Variants in DAB1 observed in about 807,000 individuals in gnomAD.
DAB1 encodes the protein disabled homolog 1.
Under a neutral mutation model 64.6 loss-of-function variants are expected in DAB1, and 15 were observed. The ratio of observed to expected loss-of-function variants is 0.23; its 90% CI spans 0.16 to 0.36. The LOEUF is 0.36. DAB1 is among the 10% of genes least tolerant of loss of function. The probability of loss-of-function intolerance (pLI) is 1.00; values close to 1 mark genes in which losing one functional copy is unlikely to be tolerated. For synonymous variants in DAB1, 235 were observed against 251.9 expected (o/e 0.93, Z 0.64); for missense variants, 596 against 706.7 (o/e 0.84, Z 1.78).
chr1:58,198,328 T>C (rs1657803955), intron 4 of DAB1, among the ~76,000 whole-genome samples: 1 of 152,260 alleles, frequency 6.6e-6, no homozygotes, highest in African/African-American at 2.4e-5. Flanking sequence ...TCAGAAGACA[T>C]GGGTATAAGT....
chr1:57,591,938 C>A (rs528009983), intron 7 of DAB1, among the ~76,000 whole-genome samples: 1 of 152,138 alleles, frequency 6.6e-6, no homozygotes, highest in Non-Finnish European at 1.5e-5. Context: ...TACCTTCTTG[C>A]GCAAGGATCC....
chr1:58,051,146 C>T (rs1245959667), intron 5 of DAB1, among the ~76,000 whole-genome samples: 1 of 151,956 alleles, frequency 6.6e-6, no homozygotes, highest in Non-Finnish European at 1.5e-5. Flanking sequence ...TTTGCTGCAC[C>T]CATGAACTCA....
At chr1:57,503,083 G>A (rs1644308063) in intron 7 of DAB1, among the ~76,000 whole-genome samples, 1 of 152,156 alleles carries the variant, frequency 6.6e-6, no homozygotes, top group East Asian at 1.9e-4. Flanking sequence ...TTCAACTTTG[G>A]TTGGCTTGAC....
At chr1:57,290,017 C>T (rs1422531250) in intron 2 of DAB1, among the ~76,000 whole-genome samples, 2 of 152,220 alleles carry the variant, frequency 1.3e-5, no homozygotes, top group Non-Finnish European at 2.9e-5. Context: ...TGCCAGATAT[C>T]TCTGGCTCCT....
chr1:57,759,360 T>C (rs1366887027), intron 6 of DAB1, among the ~76,000 whole-genome samples: 6 of 152,180 alleles, frequency 3.9e-5, no homozygotes, highest in East Asian at 3.9e-4. Flanking sequence ...ACCTAATTCA[T>C]AGAACTGTTG....
At chr1:58,505,472 A>C (rs1159756153) in intron 3 of DAB1, among the ~76,000 whole-genome samples, 4 of 152,178 alleles carry the variant, frequency 2.6e-5, no homozygotes, top group Non-Finnish European at 5.9e-5. Context: ...AGATTTTCAG[A>C]GGATACTGAA....
intron 7 of DAB1, among the ~76,000 whole-genome samples, chr1:57,510,015 A>G (rs1055042978): frequency 6.6e-6 from 1 of 152,238 alleles, no homozygotes; most frequent in African/African-American, 2.4e-5. Context: ...AGGAAGTAAA[A>G]GCAAGAAGAT....
At chr1:57,450,135 G>A (rs916523361) in intron 7 of DAB1, among the ~76,000 whole-genome samples, 3 of 152,290 alleles carry the variant, frequency 2.0e-5, no homozygotes, top group Non-Finnish European at 2.9e-5. Context: ...AAGGCACAAA[G>A]CCTTGCTATT....
At chr1:57,779,968 C>G (rs1414998709) in intron 6 of DAB1, among the ~76,000 whole-genome samples, 1 of 152,102 alleles carries the variant, frequency 6.6e-6, no homozygotes, top group Non-Finnish European at 1.5e-5. Flanking sequence ...ACCTTGCTTA[C>G]AAATGACTAA....
chr1:58,179,940 A>G (rs1406426177), intron 4 of DAB1, among the ~76,000 whole-genome samples: 1 of 152,134 alleles, frequency 6.6e-6, no homozygotes, highest in Non-Finnish European at 1.5e-5. Context: ...CAATAAAAAA[A>G]CAACACTATA....
At chr1:57,820,333 A>G (rs1277031260) in intron 6 of DAB1, among the ~76,000 whole-genome samples, 1 of 152,224 alleles carries the variant, frequency 6.6e-6, no homozygotes, top group Admixed American at 6.5e-5. Flanking sequence ...CCCAGCTCTG[A>G]ATAATACACA....
chr1:57,985,319 T>C (rs893954210), intron 5 of DAB1, among the ~76,000 whole-genome samples: 1 of 152,202 alleles, frequency 6.6e-6, no homozygotes, highest in Non-Finnish European at 1.5e-5. Context: ...CTTTACAAGA[T>C]GGTATTCCTT....
intron 3 of DAB1, among the ~76,000 whole-genome samples, chr1:58,361,315 G>T (rs1037687621): frequency 9.2e-5 from 14 of 152,242 alleles, no homozygotes; most frequent in African/African-American, 3.4e-4. Context: ...AACAAACGAG[G>T]TCTGGGGGTG....
chr1:58,353,891 A>G (rs894123932), intron 3 of DAB1, among the ~76,000 whole-genome samples: 2 of 152,218 alleles, frequency 1.3e-5, no homozygotes, highest in Admixed American at 6.5e-5. Context: ...TAAAGCCAGG[A>G]TTTGAATTCA....
At chr1:58,120,722 A>G (rs1190255763) in intron 5 of DAB1, among the ~76,000 whole-genome samples, 2 of 152,306 alleles carry the variant, frequency 1.3e-5, no homozygotes, top group South Asian at 2.1e-4. Context: ...ACTGAAATCA[A>G]TGAAGAAGAA....
intron 5 of DAB1, among the ~76,000 whole-genome samples, chr1:57,897,678 T>C (rs931289764): frequency 3.3e-5 from 5 of 152,132 alleles, no homozygotes; most frequent in Non-Finnish European, 5.9e-5. Flanking sequence ...GAAACGCAGC[T>C]TGGGATGACA....
chr1:57,582,838 C>T (rs1378411149), intron 7 of DAB1, among the ~76,000 whole-genome samples: 1 of 152,172 alleles, frequency 6.6e-6, no homozygotes, highest in Non-Finnish European at 1.5e-5. Context: ...CATGATTGGC[C>T]AAAGCAACCA....
chr1:57,466,865 C>T (rs1458875026), intron 7 of DAB1, among the ~76,000 whole-genome samples: 2 of 152,200 alleles, frequency 1.3e-5, no homozygotes, highest in Admixed American at 1.3e-4. Flanking sequence ...AAGTCAACAG[C>T]AGGTGCATCA....
chr1:58,490,802 T>TC (rs1645670387), intron 3 of DAB1, among the ~76,000 whole-genome samples: 2 of 117,052 alleles, frequency 1.7e-5, no homozygotes, highest in Admixed American at 1.7e-4. Context: ...ATTCTTTTTT[T>TC]TTTTTTTTTT....
Sources: allele counts gnomAD v4.1 joint callset (sites outside exome capture counted in the v4.1 genomes callset), GRCh38; gene constraint gnomAD v4.1.1; transcripts MANE v1.5; gene names NCBI Gene and HGNC (gene_info 2026-07-23, HGNC 2026-07-21).